ZNF565: variants seen among roughly 807,000 people sequenced by gnomAD.
ZNF565 encodes zinc finger protein 565.
In ZNF565, 27 loss-of-function variants were observed where a neutral mutation model predicts 39.4. The ratio of observed to expected loss-of-function variants is 0.69; its 90% confidence interval spans 0.51 to 0.95. ZNF565 has a LOEUF of 0.95. ZNF565 is among the 40% of genes least tolerant of loss of function. The pLI, the probability that ZNF565 is intolerant of heterozygous loss-of-function variation, is 0.00. For synonymous variants in ZNF565, 185 were observed against 216.6 expected (o/e 0.85, Z 1.28); for missense variants, 524 against 621.1 (o/e 0.84, Z 1.66).
At chr19:36,216,242 A>T (rs983009723), upstream of ZNF565, among the ~76,000 whole-genome samples, 1 of 152,238 alleles carries the variant, frequency 6.6e-6, no homozygotes, top group Non-Finnish European at 1.5e-5. Context: ...CAGAACTATT[A>T]GGAAAGAACT....
At chr19:36,236,387 C>T (rs1977644168) in intron 1 of ZNF565, 10 of 1,537,954 alleles carry the variant, frequency 6.5e-6, no homozygotes, top group Non-Finnish European at 8.7e-6. Flanking sequence ...CCTCACTCAT[C>T]AAGAAATTTT....
At position 36,182,384 on chromosome 19, in the gene ZNF565, A is replaced by C. The variant is rs1357783981; in HGVS notation, c.*82T>G. ...ACAGGTGTTTTCTGACATTAATTAC[A>C]CTACATTAAAAATTACCTAGTACTG... is the stretch of plus-strand genomic sequence containing the variant. On this transcript the variant is annotated 3_prime_UTR_variant, in exon 5 of 5. Transcript: ENST00000304116. 18 of 1,227,426 alleles carry C rather than the reference A, an allele frequency of 1.5e-5. No homozygotes were observed. Among genetic ancestry groups the C allele is most frequent in the Admixed American group, 2.6e-5 (1 of 38,652 alleles). 76.0% of individuals were successfully genotyped at this position (1,227,426 alleles called of 1,614,324 possible). A position where few individuals can be genotyped will look rare whatever the true frequency, so the allele number is the denominator to read the frequency against.
chr19:36,221,728 CAT>C (rs1020627948), intron 1 of ZNF565, among the ~76,000 whole-genome samples: 13 of 152,026 alleles, frequency 8.6e-5, no homozygotes, highest in African/African-American at 3.1e-4. Flanking sequence ...CTTATGTAAA[CAT>C]GTCTTGTTTT....
At chr19:36,195,989 T>G (rs1268283530) in intron 2 of ZNF565, among the ~76,000 whole-genome samples, 3 of 150,208 alleles carry the variant, frequency 2.0e-5, no homozygotes, top group African/African-American at 2.5e-5. Flanking sequence ...CAGGTTGGAG[T>G]GCAGTGGCAC....
Position 36,195,034 on chromosome 19 carries a change from T to C in ZNF565, c.132A>G (p.Ser44=). The C allele has an allele frequency of 6.2e-7, 1 of 1,614,140 alleles. No individual in the cohort carries two copies. Among genetic ancestry groups the C allele is most frequent in the Non-Finnish European group, 8.5e-7 (1 of 1,180,026 alleles). The change falls in exon 3 of 5, where the codon TCA becomes TCG. Residue 44 remains serine (S), a synonymous_variant. Transcript: ENST00000304116. ...CGTGTGATACAATCTCCTTACCTAG[T>C]GAGGCCAAGTGACCAAAGTTCTCCA... The part of the protein sequence containing the change: ...VTLENFGHLA[S]LGLSISKPDV...
intron 2 of ZNF565, among the ~76,000 whole-genome samples, chr19:36,195,857 T>A (rs1975740583): frequency 1.3e-5 from 2 of 150,036 alleles, no homozygotes; most frequent in African/African-American, 4.9e-5. Context: ...TGACCCATTT[T>A]AAATGAGGTT....
intron 1 of ZNF565, among the ~76,000 whole-genome samples, chr19:36,223,670 C>T (rs1313908160): frequency 1.5e-5 from 1 of 68,864 alleles, no homozygotes; most frequent in Non-Finnish European, 2.8e-5. Flanking sequence ...GCTGATTCAT[C>T]AGTCTTTTAT....
chr19:36,191,864 A>G (rs35813323), intron 4 of ZNF565, among the ~76,000 whole-genome samples: 10,690 of 152,178 alleles, frequency 0.07, 456 homozygotes, highest in African/African-American at 0.09. Context: ...CCAAAATCGG[A>G]GTGGGAGGAG....
chr19:36,208,659 C>A (rs571762842), intron 1 of ZNF565, among the ~76,000 whole-genome samples: 1 of 152,244 alleles, frequency 6.6e-6, no homozygotes, highest in South Asian at 2.1e-4. Flanking sequence ...CACAGACATT[C>A]TTTAGGGCCT....
rs146187314 is a variant in ZNF565 at position 36,196,452 on chromosome 19, C to T, written c.10-1296G>A. Among the ~76,000 whole-genome samples the T allele has an allele frequency of 2.7e-3, 406 of 152,220 alleles. 3 individuals carry two copies. The highest frequency in any genetic ancestry group is 9.1e-3 in the African/African-American group (376 of 41,542). The stretch of plus-strand genomic sequence containing the variant: ...CATGACAGAATCTACAGCTGCAGGC[C>T]TGTGGCATGAAGGAAGTATAATAAG... On this transcript the variant is annotated intron_variant, in intron 2 of 4. Transcript: ENST00000304116.
intron 1 of ZNF565, among the ~76,000 whole-genome samples, chr19:36,207,064 C>T (rs567947711): frequency 2.0e-5 from 3 of 151,896 alleles, no homozygotes; most frequent in African/African-American, 7.3e-5. Flanking sequence ...AGGCTTTCCT[C>T]GATCAACAAG....
At chr19:36,225,901 C>T (rs1199361863) in intron 1 of ZNF565, among the ~76,000 whole-genome samples, 1 of 151,808 alleles carries the variant, frequency 6.6e-6, no homozygotes, top group Non-Finnish European at 1.5e-5. Context: ...GCTGGGACTA[C>T]AGGCATGTAC....
chr19:36,211,774 C>T (rs1976369081), intron 1 of ZNF565, among the ~76,000 whole-genome samples: 1 of 149,390 alleles, frequency 6.7e-6, no homozygotes, highest in South Asian at 2.1e-4. Flanking sequence ...GCCTGGGTGA[C>T]AGAGCAAGAC....
In ZNF565 at chr19:36,183,719, A is replaced by T. The variant is rs1975178171; in HGVS notation, c.247T>A (p.Cys83Ser). The T allele has an allele frequency of 1.2e-6, 2 of 1,609,318 alleles. No individual in the cohort carries two copies. Among genetic ancestry groups the T allele is most frequent in the East Asian group, 4.5e-5 (2 of 44,816 alleles). Residue 83 changes from cysteine (C) to serine (S), a missense_variant, in exon 5 of 5, where the codon TGT (cysteine) becomes AGT (serine). Physicochemically the swap from Cys to Ser is moderately radical, Grantham distance 112. Coordinates refer to ENST00000304116, the MANE Select transcript of ZNF565 (RefSeq NM_152477.5). ...GPWCPDLESRCEKFLQKDIFE... is the reference protein window; with the variant it reads ...GPWCPDLESRSEKFLQKDIFE... ...ATGTCTTTTTGTAGAAATTTCTCAC[A>T]CCTGGACTCCAAGTCTGAAAAATAA...
At chr19:36,191,683 G>A (rs527282658) in intron 4 of ZNF565, among the ~76,000 whole-genome samples, 2 of 152,268 alleles carry the variant, frequency 1.3e-5, no homozygotes, top group East Asian at 3.9e-4. Flanking sequence ...CGAACTCATC[G>A]TGATATAAAG....
At chr19:36,206,106 C>T (rs771724261) in intron 1 of ZNF565, among the ~76,000 whole-genome samples, 2 of 152,036 alleles carry the variant, frequency 1.3e-5, no homozygotes, top group East Asian at 1.9e-4. Flanking sequence ...GAATTACAAG[C>T]GTGCACCATC....
intron 1 of ZNF565, among the ~76,000 whole-genome samples, chr19:36,234,798 TCA>T (rs1977576691): frequency 1.3e-5 from 2 of 152,208 alleles, no homozygotes; most frequent in South Asian, 4.1e-4. Context: ...TCCTGTCATC[TCA>T]TTTGCTGAAT....
intron 1 of ZNF565, chr19:36,236,723 A>T: frequency 6.2e-7 from 1 of 1,614,198 alleles, no homozygotes; most frequent in Non-Finnish European, 8.5e-7. Context: ...GAAAATTCAC[A>T]CTGGAGAAAA....
upstream of ZNF565, among the ~76,000 whole-genome samples, chr19:36,216,502 AC>A (rs1976610921): frequency 6.6e-6 from 1 of 151,910 alleles, no homozygotes; most frequent in African/African-American, 2.4e-5. Context: ...ATAAAAAAAT[AC>A]AAAAATTAGC....
Sources: gnomAD v4.1 joint callset for allele counts (sites outside exome capture counted in the v4.1 genomes callset) on GRCh38, gnomAD v4.1.1 for gene constraint, MANE v1.5 for transcripts, NCBI Gene and HGNC (gene_info 2026-07-23, HGNC 2026-07-21) for gene names.